Variants in EFR3B observed in about 807,000 individuals in gnomAD.
The protein encoded by EFR3B is protein EFR3 homolog B.
Under a neutral mutation model 104.7 loss-of-function variants are expected in EFR3B, and 64 were observed. The ratio of observed to expected loss-of-function variants is 0.61; its 90% CI spans 0.50 to 0.75. The LOEUF (loss-of-function observed/expected upper bound fraction) is 0.75. EFR3B is among the 30% of genes least tolerant of loss of function. The probability of loss-of-function intolerance (pLI) is 0.00; values close to 1 mark genes in which losing one functional copy is unlikely to be tolerated. For missense variants in EFR3B, 750 were observed against 1,078.5 expected (o/e 0.70, Z 4.27); for synonymous variants, 385 against 417.9 (o/e 0.92, Z 0.96).
intron 12 of EFR3B, 88 bp downstream of exon 12, chr2:25,133,522 G>A (rs1471430812): frequency 1.5e-6 from 2 of 1,317,982 alleles, no homozygotes; most frequent in Non-Finnish European, 2.1e-6. Context: ...ACATACAGTC[G>A]TGCATGTGGC....
intron 3 of EFR3B, among the ~76,000 whole-genome samples, chr2:25,099,783 T>C (rs1669380658): frequency 6.6e-6 from 1 of 151,630 alleles, no homozygotes; most frequent in Non-Finnish European, 1.5e-5. Flanking sequence ...GGAGGTATCA[T>C]GGAGCCTTGA....
chr2:25,093,718 T>TA (rs1274945680), intron 3 of EFR3B, among the ~76,000 whole-genome samples: 4 of 151,844 alleles, frequency 2.6e-5, no homozygotes, highest in Non-Finnish European at 5.9e-5. Context: ...TCTGGGGCCT[T>TA]AAAAAAAATT....
At chr2:25,135,752 T>C (rs981643806) in intron 13 of EFR3B, 113 bp downstream of exon 13, 8 of 1,238,098 alleles carry the variant, frequency 6.5e-6, no homozygotes, top group Non-Finnish European at 8.9e-6. Flanking sequence ...TATCTGAGTA[T>C]TGTGGGATCT....
intron 1 of EFR3B, among the ~76,000 whole-genome samples, chr2:25,071,423 G>T (rs1248223146): frequency 1.3e-5 from 2 of 151,070 alleles, no homozygotes; most frequent in African/African-American, 2.4e-5. Flanking sequence ...ACCACACCTG[G>T]CTATTTTTTG....
rs1284285449 is a variant in EFR3B at position 25,146,277 on chromosome 2, T to G, written c.2142+1226T>G. 4 of 152,136 alleles carry G rather than the reference T, an allele frequency of 2.6e-5. No homozygotes were observed. The East Asian group carries it at 7.8e-4, about 30-fold the overall frequency. The allele number at this position is 152,136 out of a possible 1,614,324, so 9.4% of individuals were successfully genotyped here. ...CTTTGACATCAAGCCTTTCCCCAGA[T>G]GCAATCAGAGGTAGGAGAAGTCTCT... is the stretch of plus-strand genomic sequence containing the variant. On this transcript the variant is annotated intron_variant, in intron 19 of 22. Coordinates refer to ENST00000403714, the MANE Select transcript of EFR3B (RefSeq NM_014971.2).
intron 4 of EFR3B, among the ~76,000 whole-genome samples, chr2:25,116,302 T>G (rs1669857172): frequency 6.6e-6 from 1 of 152,138 alleles, no homozygotes; most frequent in Non-Finnish European, 1.5e-5. Context: ...TTATTCATGT[T>G]CCTAGGAGGT....
intron 5 of EFR3B, among the ~76,000 whole-genome samples, chr2:25,125,943 C>T (rs192493785): frequency 4.4e-4 from 67 of 152,098 alleles, no homozygotes; most frequent in Non-Finnish European, 6.0e-4. Flanking sequence ...CAAAAAAAAA[C>T]GAAGTTAAAA....
chr2:25,061,481 C>A (rs1668193741), intron 1 of EFR3B, among the ~76,000 whole-genome samples: 1 of 151,624 alleles, frequency 6.6e-6, no homozygotes, highest in African/African-American at 2.4e-5. Context: ...GAAGTGAACA[C>A]CAATAAGCTT....
intron 3 of EFR3B, among the ~76,000 whole-genome samples, chr2:25,095,846 A>C (rs141597150): frequency 6.6e-6 from 1 of 152,152 alleles, no homozygotes. Flanking sequence ...TACTTCCACA[A>C]TAAAAAACAT....
chr2:25,118,957 C>T (rs1669941953), intron 4 of EFR3B, among the ~76,000 whole-genome samples: 1 of 151,994 alleles, frequency 6.6e-6, no homozygotes. Flanking sequence ...GACTCCCAAA[C>T]CAGTGAACAT....
intron 1 of EFR3B, chr2:25,058,376 C>G (rs1263255789): frequency 6.6e-6 from 1 of 152,000 alleles, no homozygotes; most frequent in African/African-American, 2.4e-5. Context: ...TGCTCAACAT[C>G]ACTCATCATT....
chr2:25,124,464 C>G (rs923787660), intron 5 of EFR3B, among the ~76,000 whole-genome samples: 1 of 151,922 alleles, frequency 6.6e-6, no homozygotes, highest in African/African-American at 2.4e-5. Flanking sequence ...CAGTGGCTCA[C>G]GCCTGTAATC....
Position 25,131,759 on chromosome 2 carries a change from T to C in EFR3B, c.995T>C (p.Val332Ala). 6.5e-7 allele frequency: 1 copy of C among 1,529,196 alleles called. No homozygotes were observed. The highest frequency in any genetic ancestry group is 8.8e-7 in the Non-Finnish European group (1 of 1,135,830). 94.7% of individuals were successfully genotyped at this position (1,529,196 alleles called of 1,614,324 possible). A position where few individuals can be genotyped will look rare whatever the true frequency, so the allele number is the denominator to read the frequency against. ...IAATGSVGPT[V>A]LEMFNTLLRQ... Reference sequence around the variant, plus strand: ...GCCCCACCGCTCTCAGGGCCCACAGTACTGGAGATGTTCAACACGCTGCTG... The same window carrying C: ...GCCCCACCGCTCTCAGGGCCCACAGCACTGGAGATGTTCAACACGCTGCTG... Residue 332 changes from valine (V) to alanine (A), a missense_variant, in exon 10 of 23, where the codon GTA becomes GCA. By Grantham distance (64) the Val-to-Ala change is moderately conservative. Transcript: ENST00000403714. This position sits in a 1 kb window ranked among gnomAD's most constrained non-coding sequence, Gnocchi z 7.6.
chr2:25,132,185 GA>G (rs1268224568), intron 10 of EFR3B, among the ~76,000 whole-genome samples: 1 of 152,222 alleles, frequency 6.6e-6, no homozygotes, highest in Admixed American at 6.5e-5. Context: ...ACCTCGGAGA[GA>G]ATGAAGTCGG....
At chr2:25,065,432 C>T (rs1668309089) in intron 1 of EFR3B, among the ~76,000 whole-genome samples, 1 of 149,850 alleles carries the variant, frequency 6.7e-6, no homozygotes, top group African/African-American at 2.5e-5. Flanking sequence ...CTCAAGCGAT[C>T]CTCCCACCTT....
intron 4 of EFR3B, among the ~76,000 whole-genome samples, chr2:25,118,134 C>T (rs1357468554): frequency 6.6e-6 from 1 of 152,128 alleles, no homozygotes; most frequent in Non-Finnish European, 1.5e-5. Flanking sequence ...CGCGTACCGC[C>T]ATGCCTGGCA....
intron 3 of EFR3B, among the ~76,000 whole-genome samples, chr2:25,100,314 G>A (rs1363172446): frequency 2.0e-5 from 3 of 152,054 alleles, no homozygotes; most frequent in Admixed American, 6.6e-5. Context: ...TTACATTTAC[G>A]GCATGTGAAC....
At chr2:25,125,687 G>T (rs1408178896) in intron 5 of EFR3B, among the ~76,000 whole-genome samples, 1 of 152,184 alleles carries the variant, frequency 6.6e-6, no homozygotes, top group Non-Finnish European at 1.5e-5. Flanking sequence ...GGTGGCTCAC[G>T]CCTGTAATCC....
Position 25,137,134 on chromosome 2 carries a change from G to A in EFR3B, c.1561-207G>A, listed in dbSNP as rs1426237679. On this transcript the variant is annotated intron_variant, in intron 14 of 22. Coordinates refer to ENST00000403714, the MANE Select transcript of EFR3B (RefSeq NM_014971.2). The surrounding 1 kb of genome is among the most constrained non-coding windows in gnomAD (Gnocchi z 4.7). ...ATTTGGGCAGCAGCTTCTGGTGCTGGTTTCACTGGAGCCCATCCTTCCCTA... is the reference window on the plus strand; with the variant it reads ...ATTTGGGCAGCAGCTTCTGGTGCTGATTTCACTGGAGCCCATCCTTCCCTA... Among the ~76,000 whole-genome samples the A allele has an allele frequency of 6.6e-6, 1 of 152,120 alleles. No individual in the cohort carries two copies. The highest frequency in any genetic ancestry group is 1.5e-5 in the Non-Finnish European group (1 of 68,016).
Sources: gnomAD v4.1 joint callset for allele counts (sites outside exome capture counted in the v4.1 genomes callset) on GRCh38, gnomAD v4.1.1 for gene constraint, Gnocchi (gnomAD v3.1) non-coding constraint, MANE v1.5 for transcripts, NCBI Gene and HGNC (gene_info 2026-07-23, HGNC 2026-07-21) for gene names.